The following CRY1 variants were observed in gnomAD, a reference collection of about 807,000 sequenced individuals.
CRY1 encodes the protein cryptochrome-1.
In CRY1, 45 loss-of-function variants were observed where a neutral mutation model predicts 76.0. That is an observed-to-expected ratio of 0.59 (90% CI 0.47 to 0.76). The LOEUF is 0.76. Among genes scored for constraint, CRY1 ranks in the 30% least tolerant of loss-of-function variants. CRY1 has a pLI of 0.00. For synonymous variants in CRY1, 248 were observed against 244.0 expected (o/e 1.02, Z -0.15); for missense variants, 587 against 716.4 (o/e 0.82, Z 2.06).
At chr12:107,003,113 T>C (rs1952330951) in intron 3 of CRY1, among the ~76,000 whole-genome samples, 2 of 152,240 alleles carry the variant, frequency 1.3e-5, no homozygotes, top group Non-Finnish European at 2.9e-5. Context: ...TCCTATTTTC[T>C]ATTGTGCTAA....
chr12:107,040,709 T>TA (rs1952789130), intron 1 of CRY1, among the ~76,000 whole-genome samples: 2 of 151,768 alleles, frequency 1.3e-5, no homozygotes, highest in East Asian at 3.9e-4. Flanking sequence ...AATATATTTT[T>TA]AAAAAAAAGA....
chr12:106,995,731 G>T (rs1952227206), intron 10 of CRY1, among the ~76,000 whole-genome samples: 1 of 152,066 alleles, frequency 6.6e-6, no homozygotes, highest in Admixed American at 6.5e-5. Flanking sequence ...TGCCATGGGG[G>T]TTTGCTGCAC....
intron 10 of CRY1, among the ~76,000 whole-genome samples, chr12:106,995,729 G>C (rs1401865981): frequency 6.6e-6 from 1 of 151,994 alleles, no homozygotes; most frequent in Non-Finnish European, 1.5e-5. Context: ...TGTGCCATGG[G>C]GGTTTGCTGC....
chr12:107,027,491 T>C (rs554710578), intron 1 of CRY1, among the ~76,000 whole-genome samples: 11 of 152,292 alleles, frequency 7.2e-5, no homozygotes, highest in African/African-American at 2.6e-4. Flanking sequence ...TATCCCTTCA[T>C]ATAATTGTAC....
At chr12:107,068,607 T>C (rs1285851226) in intron 1 of CRY1, among the ~76,000 whole-genome samples, 3 of 152,214 alleles carry the variant, frequency 2.0e-5, no homozygotes, top group Non-Finnish European at 4.4e-5. Flanking sequence ...CCAAAATTAA[T>C]AATGTTAAAA....
At chr12:107,023,089 TTAG>T (rs1952575744) in intron 1 of CRY1, among the ~76,000 whole-genome samples, 1 of 152,160 alleles carries the variant, frequency 6.6e-6, no homozygotes, top group South Asian at 2.1e-4. Flanking sequence ...TAAGTTTCAT[TTAG>T]ATTCTGTTCT....
intron 1 of CRY1, among the ~76,000 whole-genome samples, chr12:107,040,285 T>C (rs202141343): frequency 1.6e-5 from 2 of 127,452 alleles, no homozygotes; most frequent in African/African-American, 3.1e-5. Flanking sequence ...TTTTTTTTTT[T>C]AGTTTTTTTT....
intron 1 of CRY1, among the ~76,000 whole-genome samples, chr12:107,086,449 A>T (rs909083397): frequency 6.6e-6 from 1 of 152,232 alleles, no homozygotes; most frequent in African/African-American, 2.4e-5. Flanking sequence ...AAAGCCCCCA[A>T]GACATTCCAG....
intron 1 of CRY1, chr12:107,043,004 C>A (rs1180245626): frequency 6.6e-6 from 1 of 152,248 alleles, no homozygotes; most frequent in African/African-American, 2.4e-5. Context: ...CTAGGCTCCA[C>A]ACCCTGCAGC....
chr12:107,081,850 T>TA (rs1277898136), intron 1 of CRY1, among the ~76,000 whole-genome samples: 2 of 152,012 alleles, frequency 1.3e-5, no homozygotes, highest in Non-Finnish European at 2.9e-5. Context: ...TAGTGCCTGA[T>TA]ATAGTTTACA....
intron 2 of CRY1, among the ~76,000 whole-genome samples, chr12:107,021,404 C>T (rs555315039): frequency 6.6e-6 from 1 of 152,088 alleles, no homozygotes; most frequent in South Asian, 2.1e-4. Context: ...CCCATGTGAG[C>T]AAAGATTCAT....
chr12:107,090,549 A>G lies in CRY1; in HGVS notation c.158+2255T>C, dbSNP rs529637711. The stretch of plus-strand genomic sequence containing the variant: ...CTTGCACCATTTGCATCTCTTGTCT[A>G]TCTCATTTTATTAATGCTGTCAGTC... On this transcript the variant is annotated intron_variant, in intron 1 of 12. Coordinates refer to ENST00000008527, the MANE Select transcript of CRY1 (RefSeq NM_004075.5). 2.0e-5 allele frequency among the ~76,000 whole-genome samples: 3 copies of G among 152,192 alleles called. No individual in the cohort carries two copies. In the East Asian group the frequency reaches 5.8e-4, roughly 29 times the overall value.
intron 1 of CRY1, among the ~76,000 whole-genome samples, chr12:107,055,612 T>C (rs1406554463): frequency 1.3e-5 from 2 of 152,036 alleles, no homozygotes; most frequent in Non-Finnish European, 2.9e-5. Context: ...AAACCTACCA[T>C]AGTGAAGGCA....
At chr12:107,037,736 T>A (rs1213641865) in intron 1 of CRY1, among the ~76,000 whole-genome samples, 3 of 151,926 alleles carry the variant, frequency 2.0e-5, no homozygotes, top group African/African-American at 4.8e-5. Flanking sequence ...AGAGAAAGAG[T>A]CTCACTCTGT....
intron 1 of CRY1, among the ~76,000 whole-genome samples, chr12:107,071,398 A>G (rs1416131754): frequency 6.6e-6 from 1 of 152,240 alleles, no homozygotes; most frequent in Non-Finnish European, 1.5e-5. Context: ...TATATTTCCA[A>G]TACTGAATTA....
intron 1 of CRY1, among the ~76,000 whole-genome samples, chr12:107,081,679 G>A (rs910540692): frequency 8.5e-5 from 13 of 152,060 alleles, no homozygotes; most frequent in Non-Finnish European, 1.6e-4. Flanking sequence ...TATCTGTTAA[G>A]TGAGAGAGAG....
rs571635371 is a variant in CRY1, at chr12:107,045,753, G to A, written c.159-23561C>T. On this transcript the variant is annotated intron_variant, in intron 1 of 12. Transcript: ENST00000008527. ...CCAGCTCACTCATAGTGGGGGAACT[G>A]AACAATGAGAACACTTGGACACAGG... is the stretch of plus-strand genomic sequence containing the variant. 2.6e-5 allele frequency among the ~76,000 whole-genome samples: 4 copies of A among 151,884 alleles called. No individual in the cohort carries two copies. The East Asian group carries it at 7.8e-4, about 30-fold the overall frequency.
intron 1 of CRY1, among the ~76,000 whole-genome samples, chr12:107,062,572 T>G (rs1004896593): frequency 6.6e-6 from 1 of 152,148 alleles, no homozygotes; most frequent in African/African-American, 2.4e-5. Flanking sequence ...ACTAAGAATT[T>G]CTTCTCCTGG....
intron 1 of CRY1, among the ~76,000 whole-genome samples, chr12:107,029,585 C>T (rs969436012): frequency 3.7e-5 from 5 of 135,918 alleles, no homozygotes; most frequent in East Asian, 2.2e-4. Context: ...CCAGCCTGGG[C>T]GACAGAGTGA....
Sources: allele counts gnomAD v4.1 joint callset (sites outside exome capture counted in the v4.1 genomes callset), GRCh38; gene constraint gnomAD v4.1.1; transcripts MANE v1.5; gene names NCBI Gene and HGNC (gene_info 2026-07-23, HGNC 2026-07-21).